ZNF429: variants seen among roughly 807,000 people sequenced by gnomAD.
ZNF429 encodes the protein zinc finger protein 429.
A neutral mutation model predicts 56.8 loss-of-function variants in ZNF429; 53 were observed. The observed-to-expected ratio is 0.93, with a 90% confidence interval of 0.75 to 1.17. The LOEUF (loss-of-function observed/expected upper bound fraction) is 1.17. Among genes scored for constraint, ZNF429 ranks in the 50% most tolerant of loss-of-function variants. ZNF429 has a pLI of 0.00. For missense variants in ZNF429, 849 were observed against 788.4 expected (o/e 1.08, Z -0.92); for synonymous variants, 278 against 264.7 (o/e 1.05, Z -0.49).
chr19:21,505,691 G>T lies in ZNF429; in HGVS notation c.-81G>T. On this transcript the variant is annotated 5_prime_UTR_variant, in exon 1 of 4. It adds an upstream start codon to the 5' untranslated region. Transcript: ENST00000358491. ...CATTTCTGTGTCCTTTGTTCTTAGAGGCCCAGCCTGTGTGGCCCTGTGACC... is the reference window on the plus strand; with the variant it reads ...CATTTCTGTGTCCTTTGTTCTTAGATGCCCAGCCTGTGTGGCCCTGTGACC... 6.6e-7 allele frequency: 1 copy of T among 1,503,892 alleles called. No homozygotes were observed. The allele number at this position is 1,503,892 out of a possible 1,614,324, so 93.2% of individuals were successfully genotyped here. A position where few individuals can be genotyped will look rare whatever the true frequency, so the allele number is the denominator to read the frequency against.
intron 1 of ZNF429, among the ~76,000 whole-genome samples, chr19:21,518,359 TTCCCCTTTTAACCTCACATTA>T (rs2032849547): frequency 6.6e-6 from 1 of 151,534 alleles, no homozygotes; most frequent in African/African-American, 2.4e-5. Flanking sequence ...GTGCTGTAAA[TTCCCCTTTTAACCTCACATTA>T]GCTGTGTTGG....
At chr19:21,531,566 G>A in intron 3 of ZNF429, among the ~76,000 whole-genome samples, 1 of 152,050 alleles carries the variant, frequency 6.6e-6, no homozygotes, top group East Asian at 1.9e-4. Context: ...CACTTCAGGA[G>A]GCCAAGGCAG....
chr19:21,510,958 GAA>G (rs2032425533), intron 1 of ZNF429, among the ~76,000 whole-genome samples: 1 of 152,008 alleles, frequency 6.6e-6, no homozygotes, highest in Non-Finnish European at 1.5e-5. Context: ...AGAACAAAAT[GAA>G]AAGTCTCCCA....
chr19:21,534,966 C>T, intron 3 of ZNF429, among the ~76,000 whole-genome samples: 11 of 147,394 alleles, frequency 7.5e-5, no homozygotes, highest in East Asian at 2.0e-4. Flanking sequence ...TCCACCACCA[C>T]GCCTGGCTAA....
chr19:21,535,462 TTC>T lies in ZNF429; in HGVS notation c.227-816_227-815del. Among the ~76,000 whole-genome samples the T allele has an allele frequency of 6.3e-4, 58 of 92,122 alleles. 6 individuals are homozygous for T. Among genetic ancestry groups the T allele is most frequent in the African/African-American group, 2.6e-3 (55 of 21,366 alleles). 60.4% of individuals were successfully genotyped at this position (92,122 alleles called of 152,430 possible). On this transcript the variant is annotated intron_variant, in intron 3 of 3. Coordinates refer to ENST00000358491, the MANE Select transcript of ZNF429 (RefSeq NM_001001415.4). ...TTTCTTTCTTTCTTTCTTTCTTTCT[TTC>T]TTTCTTTCTTTCTTTCTTTCTTTCT...
chr19:21,527,977 C>A lies in ZNF429; in HGVS notation c.4-1681C>A, dbSNP rs539744102. 5.3e-5 allele frequency among the ~76,000 whole-genome samples: 8 copies of A among 152,218 alleles called. No individual in the cohort carries two copies. The South Asian group carries it at 8.3e-4, about 16-fold the overall frequency. ...CTTTACTTCTCTACTTGTATTTTTCCTCCCTAATGAGTTTAACTACTTTTT... is the reference window on the plus strand; with the variant it reads ...CTTTACTTCTCTACTTGTATTTTTCATCCCTAATGAGTTTAACTACTTTTT... On this transcript the variant is annotated intron_variant, in intron 1 of 3. Coordinates refer to ENST00000358491, the MANE Select transcript of ZNF429 (RefSeq NM_001001415.4).
chr19:21,536,286 G>C lies in ZNF429; in HGVS notation c.233G>C (p.Cys78Ser). 1 of 1,568,922 alleles carries C rather than the reference G, an allele frequency of 6.4e-7. No individual in the cohort carries two copies. The highest frequency in any genetic ancestry group is 8.6e-7 in the Non-Finnish European group (1 of 1,161,492). Residue 78 changes from cysteine (C) to serine (S), a missense_variant, in exon 4 of 4, where the codon TGT (cysteine) becomes TCT (serine). Cys to Ser is a moderately radical substitution (Grantham distance 112, BLOSUM62 -1). Transcript: ENST00000358491. ...HEMVDEPPVV[C>S]SHFAEDFWPE... ...TGTTTTAATTTTATTTTAGTTGTGT[G>C]TTCTCATTTTGCTGAAGACTTTTGG... is the stretch of plus-strand genomic sequence containing the variant.
chr19:21,510,624 A>C (rs34497957), intron 1 of ZNF429, among the ~76,000 whole-genome samples: 78,268 of 150,372 alleles, frequency 0.52, 20,559 homozygotes, highest in East Asian at 0.61. Flanking sequence ...GGTGTTTCTC[A>C]CAGAGGGGGA....
chr19:21,529,344 A>T (rs1469499628), intron 1 of ZNF429: 2 of 230,318 alleles, frequency 8.7e-6, no homozygotes, highest in Non-Finnish European at 1.4e-5. Context: ...TGTAAGATGT[A>T]AACATAGCAC....
At chr19:21,531,528 G>A in intron 3 of ZNF429, among the ~76,000 whole-genome samples, 4 of 152,196 alleles carry the variant, frequency 2.6e-5, no homozygotes, top group Admixed American at 2.6e-4. Context: ...AATAGGCTGA[G>A]CACGGTGGCT....
rs1293844932 is a variant in ZNF429, at chr19:21,537,538, C to T, written c.1485C>T (p.Asn495=). Reference sequence around the variant, plus strand: ...GCAAAGCCTTTAAGCAGTCCTCAAACCTTAACAGTCATAAAAAAATTCATA... The same window carrying T: ...GCAAAGCCTTTAAGCAGTCCTCAAATCTTAACAGTCATAAAAAAATTCATA... ...ECGKAFKQSS[N]LNSHKKIHSG... Residue 495 remains asparagine (N), a synonymous_variant, in exon 4 of 4, where the codon AAC becomes AAT. Coordinates refer to ENST00000358491, the MANE Select transcript of ZNF429 (RefSeq NM_001001415.4). 1.9e-6 allele frequency: 3 copies of T among 1,608,758 alleles called. No individual in the cohort carries two copies. The highest frequency in any genetic ancestry group is 2.2e-5 in the South Asian group (2 of 90,812).
intron 1 of ZNF429, among the ~76,000 whole-genome samples, chr19:21,512,642 G>A (rs1417797635): frequency 7.8e-5 from 10 of 128,136 alleles, no homozygotes; most frequent in African/African-American, 2.4e-4. Flanking sequence ...CTGCCTGGGC[G>A]ACAGAGCAAG....
In ZNF429 at chr19:21,537,244, CA is replaced by C. The variant is rs763184285; in HGVS notation, c.1194del (p.Lys398AsnfsTer286). 6.2e-7 allele frequency: 1 copy of C among 1,613,760 alleles called. No individual in the cohort carries two copies. Among genetic ancestry groups the C allele is most frequent in the Non-Finnish European group, 8.5e-7 (1 of 1,179,910 alleles). ...KKIHTGEEPY[K>X]FEKCGRVFTC... ...AAATTCATACTGGAGAGGAACCCTA[CA>C]AATTTGAAAAATGTGGCAGAGTTTT... On this transcript the variant is annotated frameshift_variant, in exon 4 of 4. Coordinates refer to ENST00000358491, the MANE Select transcript of ZNF429 (RefSeq NM_001001415.4). LOFTEE classifies it high-confidence loss of function.
At chr19:21,533,123 T>A in intron 3 of ZNF429, among the ~76,000 whole-genome samples, 1 of 150,308 alleles carries the variant, frequency 6.7e-6, no homozygotes, top group Non-Finnish European at 1.5e-5. Context: ...TTGGTGTTTT[T>A]AAAAAAATTT....
At chr19:21,523,130 C>T (rs2145447512) in intron 1 of ZNF429, among the ~76,000 whole-genome samples, 1 of 152,248 alleles carries the variant, frequency 6.6e-6, no homozygotes, top group Non-Finnish European at 1.5e-5. Context: ...ATTGAGTAGA[C>T]ATGTGGACAT....
At chr19:21,526,420 C>G (rs1171036881) in intron 1 of ZNF429, among the ~76,000 whole-genome samples, 1 of 152,174 alleles carries the variant, frequency 6.6e-6, no homozygotes, top group Non-Finnish European at 1.5e-5. Flanking sequence ...TCAGTGAGAA[C>G]AGAAAACCTT....
intron 1 of ZNF429, among the ~76,000 whole-genome samples, chr19:21,524,064 G>T (rs1025958533): frequency 1.3e-5 from 2 of 152,174 alleles, no homozygotes; most frequent in Non-Finnish European, 2.9e-5. Flanking sequence ...TTTTGAGAGT[G>T]TGGCTCTTTG....
chr19:21,507,047 C>T (rs2032209390), intron 1 of ZNF429, among the ~76,000 whole-genome samples: 1 of 152,078 alleles, frequency 6.6e-6, no homozygotes, highest in African/African-American at 2.4e-5. Context: ...GGATTACAGG[C>T]GTGAGCCACG....
At chr19:21,512,373 T>C (rs2032527361) in intron 1 of ZNF429, among the ~76,000 whole-genome samples, 1 of 152,000 alleles carries the variant, frequency 6.6e-6, no homozygotes, top group South Asian at 2.1e-4. Context: ...TTATGCGACT[T>C]AGAATGCCTT....
Sources: allele counts gnomAD v4.1 joint callset (sites outside exome capture counted in the v4.1 genomes callset), GRCh38; gene constraint gnomAD v4.1.1; transcripts MANE v1.5; gene names NCBI Gene and HGNC (gene_info 2026-07-23, HGNC 2026-07-21).